Variants in KCNB2 observed in about 807,000 individuals in gnomAD.
KCNB2 encodes delayed rectifier potassium channel protein.
In KCNB2, 15 loss-of-function variants were observed where a neutral mutation model predicts 61.5. That is an observed-to-expected ratio of 0.24 (90% confidence interval 0.16 to 0.38). The LOEUF is 0.38. KCNB2 is among the 10% of genes least tolerant of loss of function. The pLI, the probability that KCNB2 is intolerant of heterozygous loss-of-function variation, is 1.00. For synonymous variants in KCNB2, 457 were observed against 446.0 expected, an observed-to-expected ratio of 1.02 and a Z score of -0.31; for missense variants, 828 against 1,125.2, an observed-to-expected ratio of 0.74 and a Z score of 3.78.
At chr8:72,788,292 A>T (rs530698772) in intron 2 of KCNB2, among the ~76,000 whole-genome samples, 3 of 152,180 alleles carry the variant, frequency 2.0e-5, no homozygotes, top group Non-Finnish European at 4.4e-5. Flanking sequence ...AAATCAAGGT[A>T]CCAGCAGGAT....
chr8:72,904,677 A>T, intron 2 of KCNB2, among the ~76,000 whole-genome samples: 1 of 152,018 alleles, frequency 6.6e-6, no homozygotes, highest in East Asian at 1.9e-4. Context: ...TTTTTATTAT[A>T]CTTTAAGTTT....
chr8:72,849,101 T>A (rs1810048673), intron 2 of KCNB2, among the ~76,000 whole-genome samples: 1 of 150,884 alleles, frequency 6.6e-6, no homozygotes, highest in African/African-American at 2.4e-5. Context: ...GCTAAGTATT[T>A]ATGACTCATT....
In KCNB2 at chr8:72,700,520, C is replaced by T. The variant is rs1252264094; in HGVS notation, c.579+132207C>T. ...AACCACAATGAGATACCATCTCACA[C>T]CAGTCAGATAGCTGTCAAAAAAATA... On this transcript the variant is annotated intron_variant, in intron 2 of 2. Transcript: ENST00000523207. 3.3e-5 allele frequency among the ~76,000 whole-genome samples: 5 copies of T among 152,206 alleles called. No individual in the cohort carries two copies. In the East Asian group the frequency reaches 9.6e-4, roughly 29 times the overall value.
intron 2 of KCNB2, among the ~76,000 whole-genome samples, chr8:72,600,526 T>C (rs895847788): frequency 4.0e-5 from 6 of 151,846 alleles, no homozygotes; most frequent in African/African-American, 1.5e-4. Flanking sequence ...CACACTAACA[T>C]GGCACATGTA....
intron 2 of KCNB2, among the ~76,000 whole-genome samples, chr8:72,709,144 C>T (rs1221425496): frequency 2.0e-5 from 3 of 152,102 alleles, no homozygotes; most frequent in African/African-American, 7.2e-5. Context: ...GCTGTTTGAG[C>T]CTAACCTCTT....
intron 2 of KCNB2, among the ~76,000 whole-genome samples, chr8:72,585,169 T>G (rs1187165502): frequency 1.3e-5 from 2 of 152,222 alleles, no homozygotes; most frequent in Non-Finnish European, 2.9e-5. Flanking sequence ...AAGGGGTTTT[T>G]TTTTGTTGTT....
chr8:72,765,232 C>T (rs1808443360), intron 2 of KCNB2, among the ~76,000 whole-genome samples: 1 of 152,214 alleles, frequency 6.6e-6, no homozygotes, highest in South Asian at 2.1e-4. Flanking sequence ...CAACAGTTTC[C>T]TCCTATTGGG....
chr8:72,597,841 A>G (rs1807224233), intron 2 of KCNB2, among the ~76,000 whole-genome samples: 1 of 152,196 alleles, frequency 6.6e-6, no homozygotes, highest in Non-Finnish European at 1.5e-5. Flanking sequence ...AGTGCTAATG[A>G]GGTTGCAGAG....
At chr8:72,564,037 A>G (rs1563524253) in intron 1 of KCNB2, among the ~76,000 whole-genome samples, 1 of 152,182 alleles carries the variant, frequency 6.6e-6, no homozygotes, top group Non-Finnish European at 1.5e-5. Context: ...TTTGTCTTTT[A>G]TTGCGGGACT....
intron 2 of KCNB2, among the ~76,000 whole-genome samples, chr8:72,595,080 G>A (rs1807166456): frequency 6.6e-6 from 1 of 152,034 alleles, no homozygotes; most frequent in Admixed American, 6.6e-5. Context: ...CTTGCAGTGT[G>A]ATCCTGTCAC....
intron 2 of KCNB2, among the ~76,000 whole-genome samples, chr8:72,823,017 A>G (rs767609812): frequency 3.3e-5 from 5 of 151,598 alleles, no homozygotes; most frequent in Non-Finnish European, 5.9e-5. Flanking sequence ...GCTCACCACT[A>G]TTTTCCTAGT....
At chr8:72,801,606 T>C (rs993897161) in intron 2 of KCNB2, among the ~76,000 whole-genome samples, 7 of 152,322 alleles carry the variant, frequency 4.6e-5, no homozygotes, top group African/African-American at 1.7e-4. Flanking sequence ...ACATGTTCCA[T>C]TCCTCAAGCC....
chr8:72,627,039 A>G (rs1028478025), intron 2 of KCNB2, among the ~76,000 whole-genome samples: 3 of 152,342 alleles, frequency 2.0e-5, no homozygotes, highest in African/African-American at 4.8e-5. Flanking sequence ...TAGAAGATCA[A>G]TCTACTTCCA....
At chr8:72,868,805 G>A (rs1805572829) in intron 2 of KCNB2, among the ~76,000 whole-genome samples, 2 of 152,096 alleles carry the variant, frequency 1.3e-5, no homozygotes, top group South Asian at 4.1e-4. Flanking sequence ...AAATGGCTGA[G>A]TATCAGAAGG....
intron 2 of KCNB2, among the ~76,000 whole-genome samples, chr8:72,578,832 A>G (rs1274325175): frequency 6.6e-6 from 1 of 152,250 alleles, no homozygotes. Flanking sequence ...CAAATGCCAA[A>G]GCTTTGATGA....
chr8:72,678,467 C>T (rs1806698410), intron 2 of KCNB2, among the ~76,000 whole-genome samples: 3 of 135,126 alleles, frequency 2.2e-5, no homozygotes, highest in South Asian at 2.2e-4. Flanking sequence ...CCCCGACCTC[C>T]GCCCAAGCAT....
At chr8:72,727,177 A>G (rs573039018) in intron 2 of KCNB2, among the ~76,000 whole-genome samples, 7 of 152,252 alleles carry the variant, frequency 4.6e-5, no homozygotes, top group Admixed American at 4.6e-4. Flanking sequence ...AATGAAGAGA[A>G]ATGTTTCAAG....
chr8:72,866,972 C>A (rs915993973), intron 2 of KCNB2, among the ~76,000 whole-genome samples: 2 of 152,204 alleles, frequency 1.3e-5, no homozygotes, highest in Non-Finnish European at 2.9e-5. Flanking sequence ...GTATTGCACA[C>A]TGTCCCAAAG....
chr8:72,927,120 G>A (rs1806666474), intron 2 of KCNB2, among the ~76,000 whole-genome samples: 1 of 152,150 alleles, frequency 6.6e-6, no homozygotes, highest in South Asian at 2.1e-4. Context: ...CAGTGCTGCT[G>A]GAGTGATGTG....
Sources: allele counts gnomAD v4.1 joint callset (sites outside exome capture counted in the v4.1 genomes callset), GRCh38; gene constraint gnomAD v4.1.1; transcripts MANE v1.5; gene names NCBI Gene and HGNC (gene_info 2026-07-23, HGNC 2026-07-21).